CRPPA: variants seen among roughly 807,000 people sequenced by gnomAD.
CRPPA encodes the protein CDP-L-ribitol pyrophosphorylase A, also known as D-ribitol-5-phosphate cytidylyltransferase.
In CRPPA, 43 loss-of-function variants were observed where a neutral mutation model predicts 52.0. The ratio of observed to expected loss-of-function variants is 0.83; its 90% confidence interval spans 0.65 to 1.07. The LOEUF (loss-of-function observed/expected upper bound fraction) is 1.07, where lower values mean the gene tolerates loss of function less well. Ranked by LOEUF, CRPPA falls within the 50% of genes least tolerant of loss-of-function variation. CRPPA has a pLI of 0.00. For synonymous variants in CRPPA, 250 were observed against 203.5 expected (o/e 1.23, Z -1.94); for missense variants, 629 against 551.7 (o/e 1.14, Z -1.40).
At chr7:16,311,888 T>C (rs777044958) in intron 3 of CRPPA, among the ~76,000 whole-genome samples, 11 of 152,106 alleles carry the variant, frequency 7.2e-5, no homozygotes, top group Non-Finnish European at 1.3e-4. Context: ...TTTGCTATAT[T>C]GTATATTGCC....
At chr7:16,098,583 T>C (rs995975038) in intron 9 of CRPPA, among the ~76,000 whole-genome samples, 2 of 152,196 alleles carry the variant, frequency 1.3e-5, no homozygotes, top group Non-Finnish European at 2.9e-5. Context: ...TATATTTACA[T>C]CTAGTCATAA....
intron 3 of CRPPA, among the ~76,000 whole-genome samples, chr7:16,332,759 A>C (rs1327238977): frequency 1.3e-5 from 2 of 152,196 alleles, no homozygotes; most frequent in Non-Finnish European, 2.9e-5. Flanking sequence ...CATATATAAA[A>C]TAGTTTAAAA....
intron 9 of CRPPA, among the ~76,000 whole-genome samples, chr7:16,131,055 T>A (rs1223681177): frequency 6.6e-6 from 1 of 152,220 alleles, no homozygotes; most frequent in Non-Finnish European, 1.5e-5. Context: ...TTTCTACAAC[T>A]GTGAAAAAAC....
chr7:16,420,836 T>G (rs1788313088), intron 1 of CRPPA, among the ~76,000 whole-genome samples: 1 of 152,104 alleles, frequency 6.6e-6, no homozygotes, highest in African/African-American at 2.4e-5. Context: ...CAACCTCATC[T>G]GCTTGGGGAC....
intron 1 of CRPPA, 82 bp downstream of exon 1, chr7:16,420,984 T>A (rs888442011): frequency 8.5e-7 from 1 of 1,174,206 alleles, no homozygotes; most frequent in Admixed American, 4.2e-5. Context: ...CAAGTGAAGG[T>A]GCTAGCGCTA....
At chr7:16,162,248 A>C (rs1028242592) in intron 9 of CRPPA, among the ~76,000 whole-genome samples, 15 of 151,934 alleles carry the variant, frequency 9.9e-5, no homozygotes, top group African/African-American at 3.6e-4. Flanking sequence ...TTGCTTCTCT[A>C]GTTCTTTTAA....
chr7:16,400,546 G>A (rs76565719), intron 2 of CRPPA, among the ~76,000 whole-genome samples: 1,904 of 152,208 alleles, frequency 0.013, 9 homozygotes, highest in African/African-American at 0.021. Flanking sequence ...CTGACACGTC[G>A]ACACGATCGA....
intron 9 of CRPPA, among the ~76,000 whole-genome samples, chr7:16,190,055 T>C (rs1781576979): frequency 6.6e-6 from 1 of 152,176 alleles, no homozygotes; most frequent in Admixed American, 6.6e-5. Context: ...TGGTTCACCA[T>C]AGTCTTACAA....
intron 5 of CRPPA, among the ~76,000 whole-genome samples, chr7:16,291,742 G>A (rs1784569256): frequency 6.6e-6 from 1 of 151,578 alleles, no homozygotes; most frequent in African/African-American, 2.4e-5. Context: ...GACGTGAAAT[G>A]TCCTCAAAGT....
At chr7:16,327,537 G>A (rs953896861) in intron 3 of CRPPA, among the ~76,000 whole-genome samples, 3 of 144,402 alleles carry the variant, frequency 2.1e-5, no homozygotes, top group Admixed American at 7.2e-5. Flanking sequence ...AGCTCGCAGT[G>A]AGCCGAGATT....
chr7:16,100,698 A>G (rs182287493), intron 9 of CRPPA, among the ~76,000 whole-genome samples: 26 of 152,210 alleles, frequency 1.7e-4, no homozygotes, highest in African/African-American at 6.3e-4. Flanking sequence ...GTTGAATAGG[A>G]GTGGTGAGAG....
intron 5 of CRPPA, among the ~76,000 whole-genome samples, chr7:16,279,930 G>A (rs1023345984): frequency 6.6e-6 from 1 of 152,188 alleles, no homozygotes; most frequent in Non-Finnish European, 1.5e-5. Context: ...TGGCTGGGGA[G>A]GCCTCACAAT....
intron 1 of CRPPA, among the ~76,000 whole-genome samples, chr7:16,419,256 T>C (rs1788270506): frequency 1.3e-5 from 2 of 152,204 alleles, no homozygotes; most frequent in South Asian, 4.1e-4. Context: ...AAAATAGTCA[T>C]ATGAGAACCT....
At chr7:16,244,228 C>T (rs367601845) in intron 8 of CRPPA, among the ~76,000 whole-genome samples, 2 of 151,912 alleles carry the variant, frequency 1.3e-5, no homozygotes, top group African/African-American at 4.8e-5. Flanking sequence ...TTTATCTTAG[C>T]TAACAAAAAT....
At chr7:16,353,245 C>T (rs922690953) in intron 3 of CRPPA, among the ~76,000 whole-genome samples, 3 of 151,846 alleles carry the variant, frequency 2.0e-5, no homozygotes, top group African/African-American at 7.3e-5. Context: ...CCGAGTTACT[C>T]AGGAGGCTGA....
intron 8 of CRPPA, among the ~76,000 whole-genome samples, chr7:16,247,193 G>C (rs551318858): frequency 8.8e-4 from 134 of 152,208 alleles, no homozygotes; most frequent in Non-Finnish European, 1.6e-3. Context: ...TAAACTGCTA[G>C]CTTCAAACTC....
chr7:16,386,760 C>T (rs1160104541), intron 2 of CRPPA, among the ~76,000 whole-genome samples: 2 of 152,016 alleles, frequency 1.3e-5, no homozygotes, highest in African/African-American at 4.8e-5. Context: ...GTGGCTCACA[C>T]CTGTAATCCC....
intron 5 of CRPPA, among the ~76,000 whole-genome samples, chr7:16,294,831 A>G (rs1378716005): frequency 6.6e-6 from 1 of 152,016 alleles, no homozygotes; most frequent in Non-Finnish European, 1.5e-5. Flanking sequence ...CATACCACAG[A>G]TGCGGAATGT....
intron 3 of CRPPA, among the ~76,000 whole-genome samples, chr7:16,352,634 C>G (rs901463303): frequency 6.6e-5 from 10 of 152,018 alleles, no homozygotes; most frequent in African/African-American, 1.9e-4. Flanking sequence ...AAAAGGGAAC[C>G]CTTGTACTTT....
Sources: gnomAD v4.1 joint callset for allele counts (sites outside exome capture counted in the v4.1 genomes callset) on GRCh38, gnomAD v4.1.1 for gene constraint, MANE v1.5 for transcripts, NCBI Gene and HGNC (gene_info 2026-07-23, HGNC 2026-07-21) for gene names.